SRD5A2: variants seen among roughly 807,000 people sequenced by gnomAD.
The protein encoded by SRD5A2 is 3-oxo-5-alpha-steroid 4-dehydrogenase 2.
A neutral mutation model predicts 27.4 loss-of-function variants in SRD5A2; 30 were observed. The observed-to-expected ratio is 1.10, with a 90% CI of 0.82 to 1.49. SRD5A2 has a LOEUF of 1.49. SRD5A2 is among the 40% of genes most tolerant of loss of function. The probability of loss-of-function intolerance (pLI) is 0.00; values close to 1 mark genes in which losing one functional copy is unlikely to be tolerated. For missense variants in SRD5A2, 348 were observed against 323.4 expected (o/e 1.08, Z -0.58); for synonymous variants, 141 against 133.6 (o/e 1.06, Z -0.38).
chr2:31,588,654 A>G, the SRD5A2 span, among the ~76,000 whole-genome samples: 1 of 152,252 alleles, frequency 6.6e-6, no homozygotes, highest in African/African-American at 2.4e-5. Context: ...AGAAAAGGAC[A>G]TTAATGAGCA....
At chr2:31,550,279 T>C (rs1011973208) in intron 1 of SRD5A2, among the ~76,000 whole-genome samples, 5 of 152,038 alleles carry the variant, frequency 3.3e-5, no homozygotes, top group Non-Finnish European at 7.4e-5. Context: ...CTTGTCCAGA[T>C]GGCTTTACTG....
the SRD5A2 span, among the ~76,000 whole-genome samples, chr2:31,593,742 G>T: frequency 6.6e-5 from 10 of 152,088 alleles, no homozygotes; most frequent in African/African-American, 2.4e-4. Flanking sequence ...AAGGAACATA[G>T]CCACCACGTT....
chr2:31,635,737 T>C, the SRD5A2 span, among the ~76,000 whole-genome samples: 3 of 152,128 alleles, frequency 2.0e-5, no homozygotes, highest in Admixed American at 6.6e-5. Flanking sequence ...ATTTTGTGTA[T>C]GCTGAAAGAT....
At chr2:31,650,119 C>T in the SRD5A2 span, among the ~76,000 whole-genome samples, 151 of 152,142 alleles carry the variant, frequency 9.9e-4, no homozygotes, top group African/African-American at 3.5e-3. Context: ...GAGAGGGTCC[C>T]CTAAATAGGA....
At chr2:31,650,526 G>A in the SRD5A2 span, among the ~76,000 whole-genome samples, 2 of 152,096 alleles carry the variant, frequency 1.3e-5, no homozygotes, top group Non-Finnish European at 2.9e-5. Context: ...GGAACACATA[G>A]TCATGGTACA....
the SRD5A2 span, among the ~76,000 whole-genome samples, chr2:31,636,012 G>A: frequency 1.3e-5 from 2 of 151,984 alleles, no homozygotes; most frequent in East Asian, 1.9e-4. Flanking sequence ...GCTCAGGACT[G>A]CTTTGCCTGT....
the SRD5A2 span, among the ~76,000 whole-genome samples, chr2:31,590,774 C>T: frequency 3.9e-5 from 6 of 152,172 alleles, no homozygotes; most frequent in South Asian, 8.3e-4. Flanking sequence ...GAAATAATGC[C>T]ACATATATAT....
the SRD5A2 span, among the ~76,000 whole-genome samples, chr2:31,655,758 A>AGAAT: frequency 6.6e-6 from 1 of 152,216 alleles, no homozygotes; most frequent in Non-Finnish European, 1.5e-5. Context: ...ATGCTTTAGA[A>AGAAT]GAATAAATAA....
At chr2:31,581,043 G>A (rs1357429791), upstream of SRD5A2, 11 of 880,936 alleles carry the variant, frequency 1.2e-5, no homozygotes, top group South Asian at 9.4e-5. Flanking sequence ...CCACCTCGCC[G>A]CGTCCAGCCC....
chr2:31,607,558 T>C, the SRD5A2 span, among the ~76,000 whole-genome samples: 1 of 151,304 alleles, frequency 6.6e-6, no homozygotes. Flanking sequence ...CATTCAGTAA[T>C]GAAGGCAAAA....
chr2:31,580,531 G>T (rs1340161327), intron 1 of SRD5A2, 89 bp downstream of exon 1: 6 of 1,397,724 alleles, frequency 4.3e-6, no homozygotes, highest in Non-Finnish European at 5.6e-6. Context: ...CCTCCTTGGC[G>T]TTCCTCGGTG....
At chr2:31,645,235 G>A in the SRD5A2 span, among the ~76,000 whole-genome samples, 1 of 152,072 alleles carries the variant, frequency 6.6e-6, no homozygotes, top group Non-Finnish European at 1.5e-5. Context: ...AAATGAATAA[G>A]ACCTACTGTT....
the SRD5A2 span, among the ~76,000 whole-genome samples, chr2:31,592,664 T>G: frequency 1.3e-5 from 2 of 152,184 alleles, no homozygotes; most frequent in Non-Finnish European, 2.9e-5. Context: ...GAGCACCACA[T>G]CAAGGGATCA....
chr2:31,531,239 G>A (rs1665899432), intron 3 of SRD5A2, 132 bp downstream of exon 3: 2 of 626,928 alleles, frequency 3.2e-6, no homozygotes, highest in South Asian at 2.2e-5. Flanking sequence ...GTTTGCAGGG[G>A]AAGTCAAGAG....
chr2:31,545,870 C>T (rs1666240622), intron 1 of SRD5A2, among the ~76,000 whole-genome samples: 1 of 152,084 alleles, frequency 6.6e-6, no homozygotes, highest in Non-Finnish European at 1.5e-5. Flanking sequence ...AGCAAAGTAG[C>T]AGGATAGAGA....
chr2:31,637,532 A>G, the SRD5A2 span, among the ~76,000 whole-genome samples: 1 of 152,134 alleles, frequency 6.6e-6, no homozygotes, highest in Non-Finnish European at 1.5e-5. Flanking sequence ...CTTTGTCCAG[A>G]AAGTTTGTAA....
At chr2:31,599,830 T>G in the SRD5A2 span, among the ~76,000 whole-genome samples, 1 of 147,076 alleles carries the variant, frequency 6.8e-6, no homozygotes, top group Non-Finnish European at 1.5e-5. Flanking sequence ...ATGTAAAAGA[T>G]TTTTTTCTTT....
the SRD5A2 span, among the ~76,000 whole-genome samples, chr2:31,622,185 C>G: frequency 2.0e-5 from 3 of 152,034 alleles, no homozygotes; most frequent in African/African-American, 4.8e-5. Context: ...GTGTTCTCAT[C>G]ATTCAGCTCC....
chr2:31,568,878 T>C (rs1161026389), intron 1 of SRD5A2, among the ~76,000 whole-genome samples: 2 of 152,360 alleles, frequency 1.3e-5, no homozygotes, highest in Admixed American at 1.3e-4. Context: ...AATGCCGCCC[T>C]GAGCTTGCAC....
Sources: gnomAD v4.1 joint callset for allele counts (sites outside exome capture counted in the v4.1 genomes callset) on GRCh38, gnomAD v4.1.1 for gene constraint, MANE v1.5 for transcripts, NCBI Gene and HGNC (gene_info 2026-07-23, HGNC 2026-07-21) for gene names.